IL18: variants seen among roughly 807,000 people sequenced by gnomAD.
The protein encoded by IL18 is interleukin-18.
In IL18, 8 loss-of-function variants were observed where a neutral mutation model predicts 14.2. The ratio of observed to expected loss-of-function variants is 0.56; its 90% CI spans 0.33 to 1.01. The LOEUF is 1.01. IL18 is among the 50% of genes least tolerant of loss of function. The pLI is 0.03. For missense variants in IL18, 166 were observed against 231.1 expected, an observed-to-expected ratio of 0.72 and a Z score of 1.83; for synonymous variants, 67 against 71.0, an observed-to-expected ratio of 0.94 and a Z score of 0.28.
intron 1 of IL18, 107 bp downstream of exon 1, chr11:112,163,799 A>T (rs1364148696): frequency 6.6e-6 from 1 of 152,388 alleles, no homozygotes; most frequent in Non-Finnish European, 1.5e-5. Flanking sequence ...CTGACTGCTC[A>T]TCGTAGTGAT....
At position 112,146,927 on chromosome 11, in the gene IL18, CT is replaced by C. The variant is rs36051933; in HGVS notation, c.360+1675del. Among the ~76,000 whole-genome samples the C allele has an allele frequency of 6.6e-3, 833 of 125,320 alleles. 7 individuals are homozygous for C. The highest frequency in any genetic ancestry group is 0.016 in the African/African-American group (519 of 32,908). The allele number at this position is 125,320 out of a possible 152,430, so 82.2% of individuals were successfully genotyped here. ...TAAGCTTATGCCTTTGGTAATTTTA[CT>C]TTTTTTTTTTTTTTTTTTTGAGACC... On this transcript the variant is annotated intron_variant, in intron 5 of 5. Transcript: ENST00000280357.
intron 3 of IL18, chr11:112,150,455 C>G: frequency 3.0e-6 from 1 of 334,360 alleles, no homozygotes; most frequent in Non-Finnish European, 5.6e-6. Context: ...CGGTCTCTTA[C>G]CCTTCTAGTT....
intron 1 of IL18, among the ~76,000 whole-genome samples, chr11:112,162,356 T>A (rs569419414): frequency 6.6e-6 from 1 of 151,424 alleles, no homozygotes; most frequent in Admixed American, 6.6e-5. Context: ...TTTTTTTTTT[T>A]TTGAGACATG....
intron 2 of IL18, among the ~76,000 whole-genome samples, chr11:112,154,683 A>C (rs1866503037): frequency 6.6e-6 from 1 of 152,250 alleles, no homozygotes; most frequent in Non-Finnish European, 1.5e-5. Flanking sequence ...TGGAAATCCA[A>C]TGAAAACTGG....
chr11:112,146,994 G>A (rs975543029), intron 5 of IL18, among the ~76,000 whole-genome samples: 2 of 143,990 alleles, frequency 1.4e-5, no homozygotes, highest in Admixed American at 7.3e-5. Flanking sequence ...GCAATGGCAC[G>A]ATCTAGGCTC....
intron 1 of IL18, among the ~76,000 whole-genome samples, chr11:112,163,119 T>G (rs1471822756): frequency 6.6e-6 from 1 of 152,172 alleles, no homozygotes; most frequent in African/African-American, 2.4e-5. Flanking sequence ...GTCCTAAAAT[T>G]TAGGGGGTCC....
chr11:112,158,078 C>G (rs1866564614), intron 1 of IL18, among the ~76,000 whole-genome samples: 1 of 152,164 alleles, frequency 6.6e-6, no homozygotes, highest in African/African-American at 2.4e-5. Context: ...AACTCCTGAC[C>G]TCAGGTGATC....
At chr11:112,147,802 C>A (rs5744266) in intron 5 of IL18, among the ~76,000 whole-genome samples, 1,779 of 152,194 alleles carry the variant, frequency 0.012, 44 homozygotes, top group African/African-American at 0.041. Flanking sequence ...TATTTATTGG[C>A]AAATCTCCAC....
intron 2 of IL18, among the ~76,000 whole-genome samples, 164 bp downstream of exon 2, chr11:112,154,811 A>G (rs1866504908): frequency 1.3e-5 from 2 of 152,166 alleles, no homozygotes; most frequent in South Asian, 4.1e-4. Context: ...GACCTTGGAC[A>G]TGTTGTGGTT....
Position 112,143,499 on chromosome 11 carries a change from C to G in IL18, c.*97G>C. The G allele has an allele frequency of 2.7e-6, 2 of 733,006 alleles. No individual in the cohort carries two copies. Among genetic ancestry groups the G allele is most frequent in the Non-Finnish European group, 4.5e-6 (2 of 442,940 alleles). The allele number at this position is 733,006 out of a possible 1,614,324, so 45.4% of individuals were successfully genotyped here. ...GTTTCACCATGTTGGTCAGGCTGGTCTTGAACACCTGACCTCTGGTGATCT... is the reference window on the plus strand; with the variant it reads ...GTTTCACCATGTTGGTCAGGCTGGTGTTGAACACCTGACCTCTGGTGATCT... On this transcript the variant is annotated 3_prime_UTR_variant, in exon 6 of 6. Coordinates refer to ENST00000280357, the MANE Select transcript of IL18 (RefSeq NM_001562.4).
At chr11:112,148,963 C>T (rs556495925) in intron 4 of IL18, among the ~76,000 whole-genome samples, 125 of 91,264 alleles carry the variant, frequency 1.4e-3, no homozygotes, top group African/African-American at 4.5e-3. Context: ...TAAAAACAAC[C>T]TTTTATAATC....
chr11:112,155,424 G>A (rs1452454391), intron 1 of IL18, among the ~76,000 whole-genome samples: 1 of 152,116 alleles, frequency 6.6e-6, no homozygotes, highest in Non-Finnish European at 1.5e-5. Context: ...GTGCCCTTTA[G>A]GAAGGACTGG....
At chr11:112,146,925 T>C (rs360730) in intron 5 of IL18, among the ~76,000 whole-genome samples, 38,782 of 144,702 alleles carry the variant, frequency 0.27, 5,651 homozygotes, top group Admixed American at 0.31. Flanking sequence ...TTGGTAATTT[T>C]ACTTTTTTTT....
intron 5 of IL18, among the ~76,000 whole-genome samples, chr11:112,145,718 G>A (rs918454985): frequency 1.3e-5 from 2 of 151,504 alleles, no homozygotes; most frequent in African/African-American, 4.9e-5. Context: ...TAGCCTGGGC[G>A]ACAGAGCGAG....
chr11:112,144,592 G>T (rs1459824081), intron 5 of IL18, among the ~76,000 whole-genome samples: 1 of 152,194 alleles, frequency 6.6e-6, no homozygotes, highest in Non-Finnish European at 1.5e-5. Context: ...GACAGAAAGT[G>T]CCAGGAATCT....
intron 1 of IL18, among the ~76,000 whole-genome samples, chr11:112,159,377 T>C (rs1416743914): frequency 6.6e-6 from 1 of 151,592 alleles, no homozygotes; most frequent in Non-Finnish European, 1.5e-5. Context: ...TGGACCTGAT[T>C]GAACAAGATT....
intron 2 of IL18, among the ~76,000 whole-genome samples, chr11:112,153,934 GA>G (rs1322244914): frequency 6.6e-6 from 1 of 152,032 alleles, no homozygotes; most frequent in Non-Finnish European, 1.5e-5. Flanking sequence ...AGTCACCTAA[GA>G]AAAGTCAACT....
In IL18 at chr11:112,152,343, C is replaced by T. The variant is rs5744255; in HGVS notation, c.91+1249G>A. 6.2e-3 allele frequency among the ~76,000 whole-genome samples: 947 copies of T among 152,278 alleles called. 15 individuals are homozygous for T. Among genetic ancestry groups the T allele is most frequent in the African/African-American group, 0.022 (908 of 41,572 alleles). On this transcript the variant is annotated intron_variant, in intron 3 of 5. Transcript: ENST00000280357. ...ATTCACAGCTCCTCATCAGCACTCC[C>T]CTATGTCTACCTTAATTCATGACAC... is the stretch of plus-strand genomic sequence containing the variant.
At chr11:112,147,585 A>G (rs1180556404) in intron 5 of IL18, among the ~76,000 whole-genome samples, 1 of 152,182 alleles carries the variant, frequency 6.6e-6, no homozygotes, top group Non-Finnish European at 1.5e-5. Flanking sequence ...GGGGACTCCA[A>G]ATTGTCACCT....
Sources: allele counts gnomAD v4.1 joint callset (sites outside exome capture counted in the v4.1 genomes callset), GRCh38; gene constraint gnomAD v4.1.1; transcripts MANE v1.5; gene names NCBI Gene and HGNC (gene_info 2026-07-23, HGNC 2026-07-21).